Variants in CPNE7 observed in about 807,000 individuals in gnomAD.
CPNE7 encodes the protein copine 7.
CPNE7 carries 78 observed loss-of-function variants against 66.5 expected under a neutral mutation model. The ratio of observed to expected loss-of-function variants is 1.17; its 90% CI spans 0.98 to 1.42. The LOEUF (loss-of-function observed/expected upper bound fraction) is 1.42, where lower values mean the gene tolerates loss of function less well. CPNE7 is among the 40% of genes most tolerant of loss of function. CPNE7 has a pLI of 0.00. For missense variants in CPNE7, 1,012 were observed against 776.6 expected, an observed-to-expected ratio of 1.30 and a Z score of -3.60; for synonymous variants, 468 against 336.7, an observed-to-expected ratio of 1.39 and a Z score of -4.27.
chr16:89,590,019 C>A (rs960186889), intron 11 of CPNE7, 68 bp downstream of exon 11: 4 of 1,576,302 alleles, frequency 2.5e-6, no homozygotes, highest in Admixed American at 1.7e-5. Context: ...CAGAGGACGG[C>A]CTGGCCCAGG....
intron 14 of CPNE7, chr16:89,595,907 G>A (rs1214176338): frequency 8.8e-6 from 5 of 567,750 alleles, no homozygotes; most frequent in Non-Finnish European, 1.3e-5. Context: ...GACCCGGCGA[G>A]ACACGCACAG....
intron 2 of CPNE7, among the ~76,000 whole-genome samples, chr16:89,580,594 A>G (rs2058938705): frequency 7.2e-6 from 1 of 138,538 alleles, no homozygotes; most frequent in Admixed American, 7.2e-5. Context: ...ATCACACGGA[A>G]CATCCCGTCA....
At position 89,588,782 on chromosome 16, in the gene CPNE7, G is replaced by A. The variant is rs2059125751; in HGVS notation, c.1035G>A (p.Val345=). ...AGTACCTGAAGGCACTGGTGTCCGT[G>A]GGCGAGATCTGCCAGGACTATGACA... ...PNEYLKALVS[V]GEICQDYDSD... is the part of the protein sequence containing the mutation. The change falls in exon 10 of 15, where the codon GTG becomes GTA. Residue 345 remains valine, a synonymous_variant. Transcript: ENST00000319518. The A allele has an allele frequency of 1.2e-6, 2 of 1,613,508 alleles. No individual in the cohort carries two copies. Among genetic ancestry groups the A allele is most frequent in the South Asian group, 1.1e-5 (1 of 91,074 alleles).
At chr16:89,588,288 C>T (rs2059115817) in intron 9 of CPNE7, among the ~76,000 whole-genome samples, 1 of 152,228 alleles carries the variant, frequency 6.6e-6, no homozygotes, top group East Asian at 1.9e-4. Flanking sequence ...TTGAACGAGC[C>T]CCAGAATGGC....
Position 89,595,472 on chromosome 16 carries a change from G to A in CPNE7, c.1408G>A (p.Val470Met), listed in dbSNP as rs376402005. 9.9e-6 allele frequency: 16 copies of A among 1,612,352 alleles called. No individual in the cohort carries two copies. In the South Asian group the frequency reaches 1.1e-4, roughly 11 times the overall value. Residue 470 changes from valine to methionine, a missense_variant, in exon 14 of 15, where the codon GTG becomes ATG. Coordinates refer to ENST00000319518, the MANE Select transcript of CPNE7 (RefSeq NM_153636.3). ...ASRLPMSIII[V>M]GVGNADFTDM... ...ACGCCTGCCCATGTCCATCATCATC[G>A]TGGGCGTGGGCAACGCCGACTTCAC...
intron 3 of CPNE7, 36 bp from the exon 4 acceptor site, chr16:89,583,992 C>T (rs1466557756): frequency 6.2e-7 from 1 of 1,609,702 alleles, no homozygotes; most frequent in Non-Finnish European, 8.5e-7. Context: ...CAGGCCCCAC[C>T]TGGCCAAGCC....
At chr16:89,577,497 G>A in intron 1 of CPNE7, 42 bp from the exon 2 acceptor site, 1 of 1,544,068 alleles carries the variant, frequency 6.5e-7, no homozygotes, top group Non-Finnish European at 8.8e-7. Flanking sequence ...AGCCCGGGGT[G>A]GAAGCCTCTG....
chr16:89,594,618 A>G (rs1467184418), intron 13 of CPNE7, among the ~76,000 whole-genome samples: 2 of 54,768 alleles, frequency 3.7e-5, no homozygotes, highest in Admixed American at 1.7e-4. Flanking sequence ...ATGGAAGTTG[A>G]TTTTATTTGA....
intron 2 of CPNE7, chr16:89,578,814 C>T (rs757356211): frequency 6.4e-7 from 1 of 1,558,558 alleles, no homozygotes; most frequent in South Asian, 1.2e-5. Flanking sequence ...CTACGGTGGC[C>T]ACTGCTTCCT....
Position 89,596,828 on chromosome 16 carries a change from C to T in CPNE7, c.*207C>T, listed in dbSNP as rs1016351432. 5.6e-6 allele frequency: 3 copies of T among 537,700 alleles called. No individual in the cohort carries two copies. Among genetic ancestry groups the T allele is most frequent in the African/African-American group, 3.9e-5 (2 of 50,738 alleles). 33.3% of individuals were successfully genotyped at this position (537,700 alleles called of 1,614,324 possible). A position where few individuals can be genotyped will look rare whatever the true frequency, so the allele number is the denominator to read the frequency against. Reference sequence around the variant, plus strand: ...CGAAGGGTGACAAAATACAGGCCCCCATGCCTGGCCCTGCCTGAGCCAGGT... The same window carrying T: ...CGAAGGGTGACAAAATACAGGCCCCTATGCCTGGCCCTGCCTGAGCCAGGT... On this transcript the variant is annotated 3_prime_UTR_variant, in exon 15 of 15. Coordinates refer to ENST00000319518, the MANE Select transcript of CPNE7 (RefSeq NM_153636.3).
chr16:89,588,544 C>T (rs1437938902), intron 9 of CPNE7, 131 bp from the exon 10 acceptor site: 9 of 1,145,550 alleles, frequency 7.9e-6, no homozygotes, highest in Non-Finnish European at 1.1e-5. Flanking sequence ...AACAGCAGCC[C>T]CCCAGCCCTA....
At position 89,585,545 on chromosome 16, in the gene CPNE7, C is replaced by G. The variant is rs150443459; in HGVS notation, c.673C>G (p.Pro225Ala). ...CCTCTGCAGCTGCGAGGAGACAAGGCCTCTAAAGGTGGGGGACGGGATGGA... is the reference window on the plus strand; with the variant it reads ...CCTCTGCAGCTGCGAGGAGACAAGGGCTCTAAAGGTGGGGGACGGGATGGA... Reference protein sequence around the residue: ...SSLCSCEETRPLKCLVWDYDS... With the variant: ...SSLCSCEETRALKCLVWDYDS... Residue 225 changes from proline to alanine, a missense_variant, in exon 6 of 15, where the codon CCT (proline) becomes GCT (alanine). Physicochemically the swap from Pro to Ala is conservative, Grantham distance 27. Transcript: ENST00000319518. The G allele has an allele frequency of 4.3e-6, 7 of 1,610,368 alleles. No homozygotes were observed. The Admixed American group carries it at 1.2e-4, about 27-fold the overall frequency.
At chr16:89,576,899 C>T (rs1027119842) in intron 1 of CPNE7, among the ~76,000 whole-genome samples, 77 of 152,154 alleles carry the variant, frequency 5.1e-4, no homozygotes, top group African/African-American at 1.8e-3. Flanking sequence ...TCCGGCTGCC[C>T]CCGGAGGCCC....
At chr16:89,579,162 C>G (rs560200459) in intron 2 of CPNE7, among the ~76,000 whole-genome samples, 1 of 151,012 alleles carries the variant, frequency 6.6e-6, no homozygotes, top group African/African-American at 2.4e-5. Context: ...CGTGGTGGTG[C>G]GTGCCTGTAG....
intron 10 of CPNE7, among the ~76,000 whole-genome samples, chr16:89,589,386 G>A (rs530126579): frequency 2.0e-5 from 3 of 152,280 alleles, no homozygotes; most frequent in African/African-American, 4.8e-5. Flanking sequence ...TCTGTGTCCC[G>A]CTTTGCCAGA....
rs568370556 is a variant in CPNE7, at chr16:89,596,207, C to T, written c.1540-277C>T. 7.9e-5 allele frequency among the ~76,000 whole-genome samples: 12 copies of T among 152,326 alleles called. No homozygotes were observed. The South Asian group carries it at 1.9e-3, about 24-fold the overall frequency. On this transcript the variant is annotated intron_variant, in intron 14 of 14. Transcript: ENST00000319518. ...TCACACAGACACGCTCAGGCTTTGC[C>T]GGGGAAGTGTGGGTGGGGCCTGGAC...
chr16:89,593,673 A>G (rs1479402887), intron 13 of CPNE7, among the ~76,000 whole-genome samples: 1 of 152,224 alleles, frequency 6.6e-6, no homozygotes, highest in Non-Finnish European at 1.5e-5. Flanking sequence ...ATTTCAGTGT[A>G]TATTTCCTAA....
At chr16:89,583,602 A>T in intron 2 of CPNE7, 95 bp from the exon 3 acceptor site, 1 of 1,606,800 alleles carries the variant, frequency 6.2e-7, no homozygotes, top group South Asian at 1.1e-5. Flanking sequence ...GGGAGACAGG[A>T]CAGGCCTGAG....
At position 89,575,996 on chromosome 16, in the gene CPNE7, G is replaced by A; in HGVS notation, c.99G>A (p.Leu33=). The change falls in exon 1 of 15, where the codon CTG becomes CTA. Residue 33 remains leucine (L), a synonymous_variant. Coordinates refer to ENST00000319518, the MANE Select transcript of CPNE7 (RefSeq NM_153636.3). ...KVELRLSCRH[L]LDRDPLTKSD... ...AGCTGCGGCTCAGCTGCCGGCACCT[G>A]CTGGACCGCGACCCGCTCACCAAGT... 2 of 1,378,576 alleles carry A rather than the reference G, an allele frequency of 1.5e-6. No homozygotes were observed. The highest frequency in any genetic ancestry group is 6.1e-5 in the East Asian group (2 of 32,670). 85.4% of individuals were successfully genotyped at this position (1,378,576 alleles called of 1,614,324 possible).
Sources: gnomAD v4.1 joint callset for allele counts (sites outside exome capture counted in the v4.1 genomes callset) on GRCh38, gnomAD v4.1.1 for gene constraint, MANE v1.5 for transcripts, NCBI Gene and HGNC (gene_info 2026-07-23, HGNC 2026-07-21) for gene names.